Variants in CD4 observed in about 807,000 individuals in gnomAD.
CD4 encodes the protein CD4 molecule.
CD4 carries 25 observed loss-of-function variants against 50.5 expected under a neutral mutation model. That is an observed-to-expected ratio of 0.49 (90% CI 0.36 to 0.69). CD4 has a LOEUF of 0.69. Among genes scored for constraint, CD4 ranks in the 30% least tolerant of loss-of-function variants. CD4 has a pLI of 0.00. For synonymous variants in CD4, 207 were observed against 221.9 expected (o/e 0.93, Z 0.60); for missense variants, 456 against 548.5 (o/e 0.83, Z 1.68).
At chr12:6,795,641 G>T (rs765323549) in intron 1 of CD4, among the ~76,000 whole-genome samples, 3 of 152,256 alleles carry the variant, frequency 2.0e-5, no homozygotes, top group Non-Finnish European at 2.9e-5. Context: ...AGTGAAAATG[G>T]TGTTTCTGGA....
At chr12:6,803,627 AC>A (rs1942630079) in intron 3 of CD4, among the ~76,000 whole-genome samples, 1 of 149,866 alleles carries the variant, frequency 6.7e-6, no homozygotes. Flanking sequence ...TACTAAAAAT[AC>A]CAAAAAATTA....
intron 4 of CD4, 95 bp downstream of exon 4, chr12:6,814,395 C>A: frequency 1.5e-6 from 2 of 1,299,422 alleles, no homozygotes; most frequent in Non-Finnish European, 2.1e-6. Context: ...GCTGGTGATA[C>A]CGCAGCAGCC....
chr12:6,790,305 C>G (rs948662788), intron 1 of CD4, among the ~76,000 whole-genome samples: 1 of 152,078 alleles, frequency 6.6e-6, no homozygotes, highest in African/African-American at 2.4e-5. Context: ...TTTTAACTAC[C>G]TTTTGTGTTT....
intron 3 of CD4, among the ~76,000 whole-genome samples, chr12:6,801,287 T>C (rs1555115207): frequency 6.7e-6 from 1 of 149,750 alleles, no homozygotes; most frequent in Non-Finnish European, 1.5e-5. Flanking sequence ...GAGTTTGAGG[T>C]GGGCAGATCA....
In CD4 at chr12:6,817,162, G is replaced by A; in HGVS notation, c.988G>A (p.Val330Met). 2 of 1,614,090 alleles carry A rather than the reference G, an allele frequency of 1.2e-6. No individual in the cohort carries two copies. The highest frequency in any genetic ancestry group is 8.5e-7 in the Non-Finnish European group (1 of 1,179,944). ...TQLQKNLTCE[V>M]WGPTSPKLML... ...GCTCCAGAAAAATTTGACCTGTGAG[G>A]TGTGGGGACCCACCTCCCCTAAGCT... The change falls in exon 7 of 10, where the codon GTG (valine) becomes ATG (methionine). Residue 330 changes from valine to methionine, a missense_variant. Physicochemically the swap from Val to Met is conservative, Grantham distance 21. Transcript: ENST00000011653.
rs1462548276 is a variant in CD4 at position 6,819,478 on chromosome 12, G to A, written c.*149G>A. On this transcript the variant is annotated 3_prime_UTR_variant, in exon 10 of 10. Coordinates refer to ENST00000011653, the MANE Select transcript of CD4 (RefSeq NM_000616.5). Reference sequence around the variant, plus strand: ...TTTGCCATTGTTTCTCCTGGGTTAGGCCCCGGCTTCACTGGTTGAGTGTTG... The same window carrying A: ...TTTGCCATTGTTTCTCCTGGGTTAGACCCCGGCTTCACTGGTTGAGTGTTG... 5.4e-6 allele frequency: 4 copies of A among 738,504 alleles called. No homozygotes were observed. The highest frequency in any genetic ancestry group is 4.7e-6 in the Non-Finnish European group (2 of 422,972). 45.7% of individuals were successfully genotyped at this position (738,504 alleles called of 1,614,324 possible). A position where few individuals can be genotyped will look rare whatever the true frequency, so the allele number is the denominator to read the frequency against.
At chr12:6,804,642 G>T (rs1289578988) in intron 3 of CD4, among the ~76,000 whole-genome samples, 2 of 152,312 alleles carry the variant, frequency 1.3e-5, no homozygotes, top group Non-Finnish European at 2.9e-5. Context: ...GGAGGCCAAG[G>T]TGGGAAGATT....
chr12:6,801,684 C>T (rs1555115306), intron 3 of CD4, among the ~76,000 whole-genome samples: 1 of 150,918 alleles, frequency 6.6e-6, no homozygotes, highest in Non-Finnish European at 1.5e-5. Context: ...CCTCAGCCTC[C>T]CGAGTAGCTG....
intron 1 of CD4, among the ~76,000 whole-genome samples, chr12:6,796,131 G>A (rs761685148): frequency 6.6e-6 from 1 of 152,194 alleles, no homozygotes; most frequent in Non-Finnish European, 1.5e-5. Context: ...GCCATACCAA[G>A]TCCTCTCTCT....
In CD4 at chr12:6,814,302, T is replaced by C; in HGVS notation, c.373+2T>C. On this transcript the variant is annotated splice_donor_variant, in intron 4 of 9. Transcript: ENST00000011653. LOFTEE classifies it high-confidence loss of function. ...AGGTGCAATTGCTAGTGTTCGGATG[T>C]GAGTGGGGCAGGTGGGGATGAGGAT... 1 of 1,613,232 alleles carries C rather than the reference T, an allele frequency of 6.2e-7. No individual in the cohort carries two copies. The highest frequency in any genetic ancestry group is 8.5e-7 in the Non-Finnish European group (1 of 1,179,406).
chr12:6,815,398 CTG>C (rs1177519157), intron 5 of CD4, among the ~76,000 whole-genome samples: 14 of 152,302 alleles, frequency 9.2e-5, no homozygotes, highest in African/African-American at 3.4e-4. Context: ...TGTTGTACCT[CTG>C]GACCTCTAAG....
Position 6,818,548 on chromosome 12 carries a change from T to C in CD4, c.1278+6T>C. 1.2e-6 allele frequency: 2 copies of C among 1,612,220 alleles called. No individual in the cohort carries two copies. The highest frequency in any genetic ancestry group is 1.7e-6 in the Non-Finnish European group (2 of 1,179,924). ...TCAGGTGCCGGCACCGAAGGGTGAG[T>C]AACCCCACACCTGGTCCCCACAAGG... On this transcript the variant is annotated splice_donor_region_variant and intron_variant, in intron 8 of 9. Coordinates refer to ENST00000011653, the MANE Select transcript of CD4 (RefSeq NM_000616.5). This position sits in a 1 kb window ranked among gnomAD's most constrained non-coding sequence, Gnocchi z 5.0.
chr12:6,810,971 C>T (rs1565497494), intron 3 of CD4, among the ~76,000 whole-genome samples: 1 of 151,936 alleles, frequency 6.6e-6, no homozygotes, highest in African/African-American at 2.4e-5. Context: ...CAACTGTGTG[C>T]TGAGGCTGTG....
In CD4 at chr12:6,799,501, T is replaced by A. The variant is rs536663714; in HGVS notation, c.-67-571T>A. On this transcript the variant is annotated intron_variant, in intron 1 of 9. Transcript: ENST00000011653. Reference sequence around the variant, plus strand: ...ACTATACGGGGTCATTTTGAGGATATCTTTTCTCTGTAGTACATGTGCATC... The same window carrying A: ...ACTATACGGGGTCATTTTGAGGATAACTTTTCTCTGTAGTACATGTGCATC... The A allele has an allele frequency of 2.6e-5, 4 of 152,806 alleles. No homozygotes were observed. In the East Asian group the frequency reaches 5.8e-4, roughly 22 times the overall value. 9.5% of individuals were successfully genotyped at this position (152,806 alleles called of 1,614,324 possible).
Position 6,818,677 on chromosome 12 carries a change from G to A in CD4, c.1278+135G>A. 7.9e-7 allele frequency: 1 copy of A among 1,259,238 alleles called. No individual in the cohort carries two copies. The highest frequency in any genetic ancestry group is 1.1e-6 in the Non-Finnish European group (1 of 876,422). The allele number at this position is 1,259,238 out of a possible 1,614,324, so 78.0% of individuals were successfully genotyped here. A position where few individuals can be genotyped will look rare whatever the true frequency, so the allele number is the denominator to read the frequency against. ...TAAGTTCCCTTGCTGCCCTGTCCCAGATCCCACTCAAGGGAGAGACAGGAA... is the reference window on the plus strand; with the variant it reads ...TAAGTTCCCTTGCTGCCCTGTCCCAAATCCCACTCAAGGGAGAGACAGGAA... On this transcript the variant is annotated intron_variant, in intron 8 of 9. Transcript: ENST00000011653. The surrounding 1 kb of genome is among the most constrained non-coding windows in gnomAD (Gnocchi z 5.0).
intron 1 of CD4, among the ~76,000 whole-genome samples, chr12:6,796,292 C>T (rs1315522839): frequency 2.0e-5 from 3 of 152,166 alleles, no homozygotes; most frequent in African/African-American, 7.2e-5. Context: ...AGCATGTCAA[C>T]GGGGTGCTGT....
chr12:6,791,549 G>A (rs1460759423), intron 1 of CD4, among the ~76,000 whole-genome samples: 1 of 152,198 alleles, frequency 6.6e-6, no homozygotes, highest in Non-Finnish European at 1.5e-5. Context: ...GGCCAGTCTT[G>A]CACATTTTAG....
At chr12:6,817,050 AAGG>A in intron 6 of CD4, 77 bp from the exon 7 acceptor site, 2 of 1,239,662 alleles carry the variant, frequency 1.6e-6, no homozygotes, top group Non-Finnish European at 2.3e-6. Flanking sequence ...AGGCTAAAAG[AAGG>A]TCACCCATAT....
At chr12:6,807,560 G>A (rs1296594840) in intron 3 of CD4, among the ~76,000 whole-genome samples, 8 of 152,098 alleles carry the variant, frequency 5.3e-5, no homozygotes, top group African/African-American at 1.9e-4. Context: ...GGGGTTAAGG[G>A]GCTCAGGGAT....
Sources: allele counts gnomAD v4.1 joint callset (sites outside exome capture counted in the v4.1 genomes callset), GRCh38; gene constraint gnomAD v4.1.1; non-coding constraint Gnocchi (gnomAD v3.1); transcripts MANE v1.5; gene names NCBI Gene and HGNC (gene_info 2026-07-23, HGNC 2026-07-21).